The following CLCA2 variants were observed in gnomAD, a reference collection of about 807,000 sequenced individuals.
CLCA2 encodes chloride channel accessory 2.
In CLCA2, 85 loss-of-function variants were observed where a neutral mutation model predicts 82.9. That is an observed-to-expected ratio of 1.03 (90% confidence interval 0.86 to 1.23). The LOEUF is 1.23. Ranked by LOEUF, CLCA2 falls within the 50% of genes most tolerant of loss-of-function variation. The probability of loss-of-function intolerance (pLI) is 0.00; values close to 1 mark genes in which losing one functional copy is unlikely to be tolerated. For synonymous variants in CLCA2, 421 were observed against 391.7 expected (o/e 1.07, Z -0.88); for missense variants, 1,089 against 1,124.8 (o/e 0.97, Z 0.45).
chr1:86,445,341 A>T (rs1243942113), intron 10 of CLCA2: 2 of 150,926 alleles, frequency 1.3e-5, no homozygotes. Context: ...TTCAGAATAA[A>T]ATCCAAGTGT....
chr1:86,438,413 C>G (rs942133911), intron 6 of CLCA2, among the ~76,000 whole-genome samples: 1 of 152,148 alleles, frequency 6.6e-6, no homozygotes, highest in African/African-American at 2.4e-5. Flanking sequence ...AGATGAAGTA[C>G]CCAGCCTAAG....
Position 86,440,134 on chromosome 1 carries a change from T to TTC in CLCA2, c.1204-10_1204-9dup. 6.2e-7 allele frequency: 1 copy of TTC among 1,611,126 alleles called. No individual in the cohort carries two copies. Among genetic ancestry groups the TTC allele is most frequent in the South Asian group, 1.1e-5 (1 of 90,478 alleles). ...ACTACACTTCCTTCCAAGTGACTAA[T>TTC]TCTCTATGTTCAGGTGGTTGAAAAA... On this transcript the variant is annotated splice_polypyrimidine_tract_variant and intron_variant, in intron 7 of 13. Coordinates refer to ENST00000370565, the MANE Select transcript of CLCA2 (RefSeq NM_006536.7).
chr1:86,425,344 G>T lies in CLCA2; in HGVS notation c.192G>T (p.Met64Ile). 1.3e-6 allele frequency: 2 copies of T among 1,553,102 alleles called. No homozygotes were observed. The highest frequency in any genetic ancestry group is 2.5e-5 in the South Asian group (2 of 79,344). Residue 64 changes from methionine to isoleucine, a missense_variant, in exon 2 of 14, where the codon ATG (methionine) becomes ATT (isoleucine). Transcript: ENST00000370565. Reference protein sequence around the residue: ...NQNLISNIKEMITEASFYLFN... With the variant: ...NQNLISNIKEIITEASFYLFN... The stretch of plus-strand genomic sequence containing the variant: ...TTTCTTTTGTCTGGCTGTAGGAAAT[G>T]ATAACTGAAGCTTCATTTTACCTAT...
rs1353456767 is a variant in CLCA2 at position 86,450,600 on chromosome 1, G to C, written c.2022G>C (p.Arg674Ser). The C allele has an allele frequency of 1.9e-6, 3 of 1,612,688 alleles. No homozygotes were observed. The African/African-American group carries it at 4.0e-5, about 22-fold the overall frequency. The change falls in exon 12 of 14, where the codon AGG becomes AGC. Residue 674 changes from arginine (R) to serine (S), a missense_variant. By Grantham distance (110) the Arg-to-Ser change is moderately radical. Transcript: ENST00000370565. ...TAAAAAATGATGGAATTTACTCGAG[G>C]TATTTTTTCTCCTTTGCTGCAAATG... The part of the protein sequence containing the change: ...DVIKNDGIYS[R>S]YFFSFAANGR...
At chr1:86,431,628 T>C (rs1662500455) in intron 4 of CLCA2, among the ~76,000 whole-genome samples, 1 of 152,264 alleles carries the variant, frequency 6.6e-6, no homozygotes, top group Non-Finnish European at 1.5e-5. Context: ...ATCGCTTGTT[T>C]AGGAAAGAAT....
chr1:86,446,216 CTT>C (rs3086658), intron 10 of CLCA2, among the ~76,000 whole-genome samples: 1,145 of 108,446 alleles, frequency 0.011, 13 homozygotes, highest in African/African-American at 0.035. Flanking sequence ...GCTGTGGGAA[CTT>C]TTTTTTTTTT....
intron 6 of CLCA2, among the ~76,000 whole-genome samples, chr1:86,438,310 T>G (rs1406436079): frequency 6.6e-6 from 1 of 152,214 alleles, no homozygotes; most frequent in African/African-American, 2.4e-5. Flanking sequence ...GGTTAGCCCT[T>G]CATGGTATAA....
intron 5 of CLCA2, among the ~76,000 whole-genome samples, chr1:86,433,536 T>C (rs1038542717): frequency 6.6e-6 from 1 of 152,216 alleles, no homozygotes; most frequent in Non-Finnish European, 1.5e-5. Flanking sequence ...ATGCATTCGA[T>C]CCACATTATT....
chr1:86,447,860 C>G (rs1662887730), intron 11 of CLCA2, 82 bp downstream of exon 11: 1 of 1,393,124 alleles, frequency 7.2e-7, no homozygotes, highest in African/African-American at 1.4e-5. Context: ...TTAAGCTTAT[C>G]TGTAAGATTC....
At chr1:86,435,213 T>A (rs1662583605) in intron 6 of CLCA2, among the ~76,000 whole-genome samples, 1 of 152,220 alleles carries the variant, frequency 6.6e-6, no homozygotes, top group Non-Finnish European at 1.5e-5. Context: ...AAATTCAGAA[T>A]GTGGCCAAAA....
chr1:86,437,965 T>C (rs932071687), intron 6 of CLCA2, among the ~76,000 whole-genome samples: 5 of 152,302 alleles, frequency 3.3e-5, no homozygotes, highest in Middle Eastern at 3.4e-3. Context: ...TCTAAGTCCT[T>C]GTTTTACCCC....
chr1:86,449,201 G>T (rs778178011), intron 11 of CLCA2, among the ~76,000 whole-genome samples: 3 of 152,158 alleles, frequency 2.0e-5, no homozygotes, highest in Non-Finnish European at 4.4e-5. Flanking sequence ...CCTCTGAAAT[G>T]ATTTACAATT....
In CLCA2 at chr1:86,447,758, G is replaced by A. The variant is rs1662885417; in HGVS notation, c.1964G>A (p.Arg655Lys). Residue 655 changes from arginine to lysine, a missense_variant, in exon 11 of 14, where the codon AGA becomes AAA. Coordinates refer to ENST00000370565, the MANE Select transcript of CLCA2 (RefSeq NM_006536.7). ...GAGACTGGAGATCCTGTTACGCTGAGACTCCTTGATGATGGAGCAGGTAAC... is the reference window on the plus strand; with the variant it reads ...GAGACTGGAGATCCTGTTACGCTGAAACTCCTTGATGATGGAGCAGGTAAC... ...EPETGDPVTL[R>K]LLDDGAGADV... The A allele has an allele frequency of 6.2e-7, 1 of 1,612,982 alleles. No homozygotes were observed. The highest frequency in any genetic ancestry group is 1.3e-5 in the African/African-American group (1 of 74,912).
At chr1:86,432,645 G>C in intron 5 of CLCA2, 117 bp downstream of exon 5, 1 of 1,192,018 alleles carries the variant, frequency 8.4e-7, no homozygotes, top group South Asian at 1.7e-5. Context: ...GGGGACCCTA[G>C]AGTTCATCTA....
intron 12 of CLCA2, among the ~76,000 whole-genome samples, chr1:86,453,109 G>A (rs1663007449): frequency 6.6e-6 from 1 of 152,084 alleles, no homozygotes; most frequent in Non-Finnish European, 1.5e-5. Context: ...GGAGGCGGAG[G>A]TTGCAGTGAG....
Position 86,447,658 on chromosome 1 carries a change from G to A in CLCA2, c.1864G>A (p.Val622Met). ...AGACAGCCTCCATTTTCCTCATCCT[G>A]TGATGATTTATGCCAATGTGAAACA... ...ERDSLHFPHP[V>M]MIYANVKQGF... The change falls in exon 11 of 14, where the codon GTG becomes ATG. Residue 622 changes from valine (V) to methionine (M), a missense_variant. Val to Met is a conservative substitution (Grantham distance 21). Coordinates refer to ENST00000370565, the MANE Select transcript of CLCA2 (RefSeq NM_006536.7). 1.2e-6 allele frequency: 2 copies of A among 1,614,062 alleles called. No homozygotes were observed. Among genetic ancestry groups the A allele is most frequent in the Non-Finnish European group, 8.5e-7 (1 of 1,180,000 alleles).
Position 86,424,379 on chromosome 1 carries a change from C to T in CLCA2, c.132C>T (p.Leu44=). Residue 44 remains leucine, a synonymous_variant, in exon 1 of 14, where the codon CTC becomes CTT. Coordinates refer to ENST00000370565, the MANE Select transcript of CLCA2 (RefSeq NM_006536.7). ...QLQDNGYNGL[L]IAINPQVPEN... is the part of the protein sequence containing the mutation. ...AAGACAATGGGTATAATGGATTGCT[C>T]ATTGCAATTAATCCTCAGGTACCTG... The T allele has an allele frequency of 6.2e-7, 1 of 1,613,160 alleles. No homozygotes were observed. The highest frequency in any genetic ancestry group is 8.5e-7 in the Non-Finnish European group (1 of 1,179,634).
chr1:86,432,144 T>C (rs61124915), intron 4 of CLCA2, among the ~76,000 whole-genome samples: 42,651 of 151,962 alleles, frequency 0.28, 6,538 homozygotes, highest in Non-Finnish European at 0.34. Context: ...CCATGTTGGC[T>C]AGGCTGGTCT....
chr1:86,447,116 A>C (rs975659617), intron 10 of CLCA2, among the ~76,000 whole-genome samples: 2 of 152,170 alleles, frequency 1.3e-5, no homozygotes, highest in African/African-American at 4.8e-5. Context: ...TAATTTTCTC[A>C]GTTATGAAAA....
Sources: gnomAD v4.1 joint callset for allele counts (sites outside exome capture counted in the v4.1 genomes callset) on GRCh38, gnomAD v4.1.1 for gene constraint, MANE v1.5 for transcripts, NCBI Gene and HGNC (gene_info 2026-07-23, HGNC 2026-07-21) for gene names.